ARHGAP6: variants seen among roughly 807,000 people sequenced by gnomAD.
ARHGAP6 encodes Rho GTPase activating protein 6.
ARHGAP6 carries 16 observed loss-of-function variants against 55.7 expected under a neutral mutation model. The observed-to-expected ratio is 0.29, with a 90% CI of 0.19 to 0.44. ARHGAP6 has a LOEUF of 0.44. ARHGAP6 is among the 20% of genes least tolerant of loss of function. The pLI, the probability that ARHGAP6 is intolerant of heterozygous loss-of-function variation, is 1.00. For missense variants in ARHGAP6, 698 were observed against 808.9 expected (o/e 0.86, Z 1.66); for synonymous variants, 382 against 360.9 (o/e 1.06, Z -0.66).
At chrX:11,427,725 C>T in intron 1 of ARHGAP6, 3 of 775,224 alleles carry the variant, frequency 3.9e-6, no homozygotes, top group Non-Finnish European at 4.6e-6. Flanking sequence ...GTGCCGAGTG[C>T]TGTGCAAAGC....
intron 2 of ARHGAP6, among the ~76,000 whole-genome samples, chrX:11,212,480 GA>G (rs1271514454): frequency 8.9e-6 from 1 of 112,437 alleles, no homozygotes; most frequent in Non-Finnish European, 1.9e-5. Flanking sequence ...ATGTTATTCA[GA>G]AGTCCTTTTC....
intron 3 of ARHGAP6, among the ~76,000 whole-genome samples, chrX:11,191,343 AC>A (rs1416597549): frequency 9.0e-6 from 1 of 111,425 alleles, no homozygotes; most frequent in African/African-American, 3.3e-5. Flanking sequence ...TGTAGCAGCT[AC>A]TCGACCTGCC....
In ARHGAP6 at chrX:11,156,558, A is replaced by G. The variant is rs1384676107; in HGVS notation, c.1878T>C (p.Tyr626=). The G allele has an allele frequency of 8.3e-7, 1 of 1,211,202 alleles. No homozygotes were observed. The highest frequency in any genetic ancestry group is 3.0e-5 in the East Asian group (1 of 33,848). ...ATTGGGAAGCCTTTCTTCTGAGTAA[A>G]TAGTCCACGACATCAGGATCGGTCT... ...LLETDPDVVD[Y]LLRRKASQSS... is the part of the protein sequence containing the mutation. The change falls in exon 10 of 13, where the codon TAT becomes TAC. Residue 626 remains tyrosine, a synonymous_variant. Transcript: ENST00000337414.
intron 1 of ARHGAP6, among the ~76,000 whole-genome samples, chrX:11,428,334 C>T (rs2049910230): frequency 8.9e-6 from 1 of 111,762 alleles, no homozygotes; most frequent in Non-Finnish European, 1.9e-5. Context: ...ATGCTGGTCA[C>T]TTAGGGTGAC....
intron 1 of ARHGAP6, among the ~76,000 whole-genome samples, chrX:11,587,225 G>A (rs1030091354): frequency 9.0e-6 from 1 of 111,627 alleles, no homozygotes; most frequent in Non-Finnish European, 1.9e-5. Flanking sequence ...TAGGAGTGGT[G>A]AGAGAGGGCG....
intron 1 of ARHGAP6, among the ~76,000 whole-genome samples, chrX:11,516,655 C>A (rs1188502097): frequency 8.9e-6 from 1 of 111,949 alleles, no homozygotes; most frequent in East Asian, 2.8e-4. Flanking sequence ...CTCCATTTTG[C>A]AGATGAAAAA....
At chrX:11,434,396 A>T (rs2049968362) in intron 1 of ARHGAP6, among the ~76,000 whole-genome samples, 1 of 111,395 alleles carries the variant, frequency 9.0e-6, no homozygotes, top group East Asian at 2.8e-4. Flanking sequence ...ATCGTTGAAG[A>T]CCCATACACA....
At chrX:11,396,262 G>A (rs1486435807) in intron 1 of ARHGAP6, among the ~76,000 whole-genome samples, 1 of 110,017 alleles carries the variant, frequency 9.1e-6, no homozygotes, top group Non-Finnish European at 1.9e-5. Context: ...AGCAGTCAAC[G>A]GCATTCTGGC....
intron 1 of ARHGAP6, among the ~76,000 whole-genome samples, chrX:11,636,163 G>GTAATTATTAATAGCGCC (rs1230206278): frequency 9.0e-6 from 1 of 111,182 alleles, no homozygotes; most frequent in African/African-American, 3.3e-5. Context: ...TTATTTTAGT[G>GTAATTATTAATAGCGCC]TAATTATTAA....
chrX:11,241,078 C>CAAAAA (rs59066875), intron 2 of ARHGAP6, among the ~76,000 whole-genome samples: 1 of 52,979 alleles, frequency 1.9e-5, no homozygotes, highest in African/African-American at 6.1e-5. Flanking sequence ...GCCTGGGCGA[C>CAAAAA]AAAAAAAAAA....
At chrX:11,175,423 C>G (rs1370172836) in intron 8 of ARHGAP6, among the ~76,000 whole-genome samples, 2 of 111,901 alleles carry the variant, frequency 1.8e-5, no homozygotes, top group African/African-American at 3.2e-5. Context: ...CCTCGTAAAC[C>G]CTGGCTTCCT....
intron 1 of ARHGAP6, among the ~76,000 whole-genome samples, chrX:11,500,539 A>T (rs1421035191): frequency 2.8e-5 from 3 of 108,346 alleles, no homozygotes; most frequent in Non-Finnish European, 5.7e-5. Context: ...TGCATGCCTG[A>T]AATCCCAGCT....
chrX:11,326,968 T>G (rs956814981), intron 1 of ARHGAP6, among the ~76,000 whole-genome samples: 4 of 111,900 alleles, frequency 3.6e-5, no homozygotes, highest in Admixed American at 9.5e-5. Context: ...GATTTCATGA[T>G]AAGTACACAT....
At chrX:11,507,883 T>C (rs957236577) in intron 1 of ARHGAP6, among the ~76,000 whole-genome samples, 8 of 112,176 alleles carry the variant, frequency 7.1e-5, no homozygotes, top group African/African-American at 9.7e-5. Context: ...GTGGTACTTA[T>C]AGTCCCACTG....
At chrX:11,607,653 T>C (rs1344215111) in intron 1 of ARHGAP6, among the ~76,000 whole-genome samples, 1 of 112,500 alleles carries the variant, frequency 8.9e-6, no homozygotes, top group African/African-American at 3.2e-5. Context: ...AAGTATGTAT[T>C]TTTAAAATAG....
At chrX:11,473,547 G>A in intron 1 of ARHGAP6, among the ~76,000 whole-genome samples, 1 of 111,330 alleles carries the variant, frequency 9.0e-6, no homozygotes, top group Non-Finnish European at 1.9e-5. Context: ...GCAGAGACTG[G>A]AGTCATGTAA....
intron 1 of ARHGAP6, among the ~76,000 whole-genome samples, chrX:11,521,440 T>C (rs931529652): frequency 2.7e-5 from 3 of 112,187 alleles, no homozygotes; most frequent in Non-Finnish European, 5.6e-5. Context: ...CCTGTTTTTG[T>C]CAGGTTAGTC....
intron 1 of ARHGAP6, among the ~76,000 whole-genome samples, chrX:11,522,872 C>G (rs1027000165): frequency 1.8e-5 from 2 of 111,914 alleles, no homozygotes; most frequent in African/African-American, 6.5e-5. Flanking sequence ...GGAATCCTCC[C>G]TAACTCATTT....
intron 8 of ARHGAP6, among the ~76,000 whole-genome samples, chrX:11,174,628 TTTC>T (rs1232747085): frequency 1.3e-3 from 14 of 10,745 alleles, no homozygotes; most frequent in South Asian, 5.1e-3. Context: ...CTTTCTTTTC[TTTC>T]TTTCTTTCTT....
Sources: allele counts gnomAD v4.1 joint callset (sites outside exome capture counted in the v4.1 genomes callset), GRCh38; gene constraint gnomAD v4.1.1; transcripts MANE v1.5; gene names NCBI Gene and HGNC (gene_info 2026-07-23, HGNC 2026-07-21).